DCUN1D2: variants seen among roughly 807,000 people sequenced by gnomAD.
DCUN1D2 encodes the protein defective in cullin neddylation 1 domain containing 2, also known as DCN1-like protein 2.
In DCUN1D2, 29 loss-of-function variants were observed where a neutral mutation model predicts 30.9. The observed-to-expected ratio is 0.94, with a 90% CI of 0.70 to 1.28. The LOEUF is 1.28. Among genes scored for constraint, DCUN1D2 ranks in the 50% most tolerant of loss-of-function variants. The probability of loss-of-function intolerance (pLI) is 0.00; values close to 1 mark genes in which losing one functional copy is unlikely to be tolerated. For synonymous variants in DCUN1D2, 121 were observed against 115.3 expected (o/e 1.05, Z -0.32); for missense variants, 325 against 316.9 (o/e 1.03, Z -0.19).
chr13:113,458,211 T>C, intron 6 of DCUN1D2, 103 bp from the exon 7 acceptor site: 2 of 953,002 alleles, frequency 2.1e-6, no homozygotes, highest in Admixed American at 1.8e-5. Flanking sequence ...AGAACCCAAA[T>C]GACTTGAGGT....
At chr13:113,472,138 A>T (rs914859521) in intron 4 of DCUN1D2, among the ~76,000 whole-genome samples, 3 of 152,080 alleles carry the variant, frequency 2.0e-5, no homozygotes, top group Non-Finnish European at 4.4e-5. Flanking sequence ...GATTGGGCTA[A>T]CACATCACCA....
intron 6 of DCUN1D2, among the ~76,000 whole-genome samples, chr13:113,458,368 G>A (rs1034121023): frequency 2.6e-5 from 4 of 152,184 alleles, no homozygotes; most frequent in Admixed American, 1.3e-4. Flanking sequence ...CTCGGTGAGT[G>A]CCCCAGGCAG....
chr13:113,474,116 A>C lies in DCUN1D2; in HGVS notation c.520+8T>G. On this transcript the variant is annotated splice_region_variant and intron_variant, in intron 4 of 6. Coordinates refer to ENST00000478244, the MANE Select transcript of DCUN1D2 (RefSeq NM_001014283.2). Reference sequence around the variant, plus strand: ...CTGGCATTTTACGTATTTGGATTTCATACTCACCTAAACCTTTCTGCCCTG... The same window carrying C: ...CTGGCATTTTACGTATTTGGATTTCCTACTCACCTAAACCTTTCTGCCCTG... 1 of 1,611,066 alleles carries C rather than the reference A, an allele frequency of 6.2e-7. No individual in the cohort carries two copies. The highest frequency in any genetic ancestry group is 8.5e-7 in the Non-Finnish European group (1 of 1,177,762).
chr13:113,460,426 C>T (rs957635895), intron 5 of DCUN1D2, among the ~76,000 whole-genome samples: 5 of 152,260 alleles, frequency 3.3e-5, no homozygotes, highest in Non-Finnish European at 7.3e-5. Flanking sequence ...GGCATCTCTG[C>T]CATTACCGGG....
rs1001897527 is a variant in DCUN1D2 at position 113,484,016 on chromosome 13, A to G, written c.44T>C (p.Phe15Ser). ...CTCGCCAGCCTGAGTGCACGCCATA[A>G]ACTGGCGGACCTTGTCCTTCTGAGA... ...KSSQKDKVRQ[F>S]MACTQAGERT... Residue 15 changes from phenylalanine (F) to serine (S), a missense_variant, in exon 2 of 7, where the codon TTT (phenylalanine) becomes TCT (serine). By Grantham distance (155) the Phe-to-Ser change is radical (BLOSUM62 -2). Coordinates refer to ENST00000478244, the MANE Select transcript of DCUN1D2 (RefSeq NM_001014283.2). 6.2e-7 allele frequency: 1 copy of G among 1,614,022 alleles called. No homozygotes were observed. Among genetic ancestry groups the G allele is most frequent in the Non-Finnish European group, 8.5e-7 (1 of 1,180,052 alleles).
chr13:113,470,280 T>C (rs2044479738), intron 4 of DCUN1D2, among the ~76,000 whole-genome samples: 1 of 152,172 alleles, frequency 6.6e-6, no homozygotes, highest in African/African-American at 2.4e-5. Context: ...AGGCGTGCAA[T>C]AGGCTATGCC....
chr13:113,460,001 G>A (rs753937907), intron 5 of DCUN1D2, among the ~76,000 whole-genome samples: 1 of 152,158 alleles, frequency 6.6e-6, no homozygotes, highest in Non-Finnish European at 1.5e-5. Flanking sequence ...CCTTCTCCAC[G>A]CACAAGAGCG....
At chr13:113,478,074 G>A (rs528782800) in intron 3 of DCUN1D2, among the ~76,000 whole-genome samples, 2 of 152,162 alleles carry the variant, frequency 1.3e-5, no homozygotes, top group Non-Finnish European at 2.9e-5. Context: ...AACAAATTGT[G>A]AAATCTTTCT....
chr13:113,462,895 G>T (rs773838624), intron 4 of DCUN1D2: 7 of 1,245,926 alleles, frequency 5.6e-6, no homozygotes, highest in Non-Finnish European at 5.2e-6. Flanking sequence ...GGTGAACCTG[G>T]GGAGGAAAAA....
chr13:113,490,957 G>C (rs1294097548), upstream of DCUN1D2: 2 of 199,228 alleles, frequency 1.0e-5, no homozygotes, highest in African/African-American at 2.3e-5. This position sits in a 1 kb window ranked among gnomAD's most constrained non-coding sequence, Gnocchi z 5.2. Flanking sequence ...AGTGCTCGCC[G>C]CCCGCGGCCG....
intron 4 of DCUN1D2, among the ~76,000 whole-genome samples, chr13:113,465,047 T>A (rs1488002074): frequency 6.6e-6 from 1 of 152,254 alleles, no homozygotes; most frequent in African/African-American, 2.4e-5. Flanking sequence ...GATAAAATGC[T>A]AATCTTTTAA....
At chr13:113,459,647 A>G (rs1233005432) in intron 5 of DCUN1D2, 1 of 337,608 alleles carries the variant, frequency 3.0e-6, no homozygotes, top group African/African-American at 2.1e-5. Flanking sequence ...TTACAATTAT[A>G]AACTCCTGTT....
chr13:113,478,337 T>C (rs1021046595), intron 3 of DCUN1D2, among the ~76,000 whole-genome samples: 2 of 152,020 alleles, frequency 1.3e-5, no homozygotes, highest in Admixed American at 6.6e-5. Flanking sequence ...TACATGACTT[T>C]TTTTTTTTTA....
Position 113,459,302 on chromosome 13 carries a change from C to T in DCUN1D2, c.700+10G>A, listed in dbSNP as rs766733542. 4 of 1,502,304 alleles carry T rather than the reference C, an allele frequency of 2.7e-6. No homozygotes were observed. Among genetic ancestry groups the T allele is most frequent in the South Asian group, 2.3e-5 (2 of 88,678 alleles). 93.1% of individuals were successfully genotyped at this position (1,502,304 alleles called of 1,614,324 possible). A position where few individuals can be genotyped will look rare whatever the true frequency, so the allele number is the denominator to read the frequency against. Reference sequence around the variant, plus strand: ...TTTCGGTCAATCATCTGAAGCACAACTTCCGGTACCTTCTTCATCGTAGTT... The same window carrying T: ...TTTCGGTCAATCATCTGAAGCACAATTTCCGGTACCTTCTTCATCGTAGTT... On this transcript the variant is annotated intron_variant, in intron 6 of 6. Coordinates refer to ENST00000478244, the MANE Select transcript of DCUN1D2 (RefSeq NM_001014283.2).
At position 113,490,198 on chromosome 13, in the gene DCUN1D2, C is replaced by G. The variant is rs1439653244; in HGVS notation, c.3+469G>C. Among the ~76,000 whole-genome samples, 2 of 152,230 alleles carry G rather than the reference C, an allele frequency of 1.3e-5. No individual in the cohort carries two copies. Among genetic ancestry groups the G allele is most frequent in the East Asian group, 1.9e-4 (1 of 5,188 alleles). On this transcript the variant is annotated intron_variant, in intron 1 of 6. Coordinates refer to ENST00000478244, the MANE Select transcript of DCUN1D2 (RefSeq NM_001014283.2). This position sits in a 1 kb window ranked among gnomAD's most constrained non-coding sequence, Gnocchi z 5.2. Reference sequence around the variant, plus strand: ...GCCCCGCTGTGCCTCTCCCTCCCCTCCCGGCAGCAGGGCCTCCCCCGCGAA... The same window carrying G: ...GCCCCGCTGTGCCTCTCCCTCCCCTGCCGGCAGCAGGGCCTCCCCCGCGAA...
At chr13:113,480,787 A>G (rs777359537) in intron 2 of DCUN1D2, 44 bp from the exon 3 acceptor site, 1 of 1,603,068 alleles carries the variant, frequency 6.2e-7, no homozygotes, top group East Asian at 2.2e-5. Context: ...CTATTTTGAA[A>G]AGTAATTCTA....
chr13:113,483,816 G>A (rs750644832), intron 2 of DCUN1D2, 24 bp downstream of exon 2: 5 of 1,605,122 alleles, frequency 3.1e-6, no homozygotes, highest in Middle Eastern at 2.2e-4. Flanking sequence ...ACATCCGTCC[G>A]GCTTTGCTGC....
At chr13:113,479,364 C>T (rs1332528536) in intron 3 of DCUN1D2, among the ~76,000 whole-genome samples, 2 of 152,148 alleles carry the variant, frequency 1.3e-5, no homozygotes, top group East Asian at 3.8e-4. Context: ...AGCCCTTTAT[C>T]ATTATGAAAT....
intron 1 of DCUN1D2, among the ~76,000 whole-genome samples, chr13:113,484,634 TAAC>T (rs1374290536): frequency 6.6e-6 from 1 of 152,082 alleles, no homozygotes; most frequent in Admixed American, 6.5e-5. Flanking sequence ...ATAATACTAA[TAAC>T]AAGAATGCCT....
Sources: allele counts gnomAD v4.1 joint callset (sites outside exome capture counted in the v4.1 genomes callset), GRCh38; gene constraint gnomAD v4.1.1; non-coding constraint Gnocchi (gnomAD v3.1); transcripts MANE v1.5; gene names NCBI Gene and HGNC (gene_info 2026-07-23, HGNC 2026-07-21).